The following CDH18 variants were observed in gnomAD, a reference collection of about 807,000 sequenced individuals.
CDH18 encodes cadherin-18.
In CDH18, 31 loss-of-function variants were observed where a neutral mutation model predicts 67.9. The observed-to-expected ratio is 0.46, with a 90% CI of 0.34 to 0.62. CDH18 has a LOEUF of 0.62. Among genes scored for constraint, CDH18 ranks in the 20% least tolerant of loss-of-function variants. CDH18 has a pLI of 0.01. For synonymous variants in CDH18, 362 were observed against 347.2 expected, an observed-to-expected ratio of 1.04 and a Z score of -0.48; for missense variants, 890 against 975.5, an observed-to-expected ratio of 0.91 and a Z score of 1.17.
At chr5:19,742,370 C>T (rs1418477492) in intron 4 of CDH18, among the ~76,000 whole-genome samples, 1 of 151,642 alleles carries the variant, frequency 6.6e-6, no homozygotes, top group Admixed American at 6.6e-5. Context: ...GCATGATCTT[C>T]CTATTTCCCC....
intron 4 of CDH18, among the ~76,000 whole-genome samples, chr5:19,743,234 A>T (rs1445855939): frequency 2.0e-5 from 3 of 152,190 alleles, no homozygotes; most frequent in Admixed American, 1.3e-4. Context: ...CAAACGCTAT[A>T]TTTCTGTCTA....
chr5:20,058,184 C>T (rs1183542136), intron 2 of CDH18, among the ~76,000 whole-genome samples: 1 of 151,970 alleles, frequency 6.6e-6, no homozygotes, highest in Non-Finnish European at 1.5e-5. Context: ...ATGTACACAT[C>T]GAGTAGTACT....
chr5:19,874,233 G>A (rs1481801979), intron 2 of CDH18, among the ~76,000 whole-genome samples: 1 of 152,090 alleles, frequency 6.6e-6, no homozygotes, highest in Non-Finnish European at 1.5e-5. Flanking sequence ...TCTCTGACCT[G>A]GGAAATGCAT....
intron 2 of CDH18, among the ~76,000 whole-genome samples, chr5:19,874,908 T>C (rs1016460896): frequency 1.3e-5 from 2 of 152,170 alleles, no homozygotes; most frequent in Non-Finnish European, 2.9e-5. Context: ...GAGCATATTC[T>C]GTCACACACC....
At chr5:20,199,257 C>G (rs1739244737) in intron 2 of CDH18, among the ~76,000 whole-genome samples, 1 of 152,184 alleles carries the variant, frequency 6.6e-6, no homozygotes, top group Non-Finnish European at 1.5e-5. Context: ...GGGGGCTGTA[C>G]CCTGCAAAGC....
intron 1 of CDH18, among the ~76,000 whole-genome samples, chr5:20,570,858 C>T (rs1428586986): frequency 6.6e-6 from 1 of 152,146 alleles, no homozygotes; most frequent in Admixed American, 6.6e-5. Flanking sequence ...CACACATTCT[C>T]ATCCAATCAT....
chr5:20,093,124 C>T (rs1332493011), intron 2 of CDH18, among the ~76,000 whole-genome samples: 1 of 152,002 alleles, frequency 6.6e-6, no homozygotes, highest in Non-Finnish European at 1.5e-5. Context: ...GCATTCCCAA[C>T]AACTTGGGAC....
At chr5:19,789,302 T>A (rs1256795051) in intron 3 of CDH18, among the ~76,000 whole-genome samples, 1 of 152,192 alleles carries the variant, frequency 6.6e-6, no homozygotes, top group Non-Finnish European at 1.5e-5. Flanking sequence ...TAGTACTACA[T>A]CCCTCAAAGT....
At chr5:19,723,860 C>T (rs1471827438) in intron 4 of CDH18, among the ~76,000 whole-genome samples, 5 of 151,842 alleles carry the variant, frequency 3.3e-5, no homozygotes, top group Non-Finnish European at 7.4e-5. Flanking sequence ...ATTACAGGTA[C>T]CTGCCACCAC....
At chr5:19,661,798 T>C (rs1757219635) in intron 5 of CDH18, among the ~76,000 whole-genome samples, 1 of 152,186 alleles carries the variant, frequency 6.6e-6, no homozygotes. Context: ...CAAGCTCAGA[T>C]AGAACAGTGA....
intron 1 of CDH18, among the ~76,000 whole-genome samples, chr5:20,460,117 G>A (rs1243933509): frequency 2.6e-5 from 4 of 151,954 alleles, no homozygotes; most frequent in African/African-American, 4.8e-5. Flanking sequence ...GTGGCAGGCC[G>A]GGCGCAGTGG....
At chr5:19,682,362 C>A (rs35106673) in intron 5 of CDH18, among the ~76,000 whole-genome samples, 5,181 of 152,068 alleles carry the variant, frequency 0.034, 283 homozygotes, top group African/African-American at 0.12. Context: ...TCAGAACCAG[C>A]TCATTGTACT....
chr5:20,037,881 C>T (rs1186521650), intron 2 of CDH18, among the ~76,000 whole-genome samples: 3 of 151,750 alleles, frequency 2.0e-5, no homozygotes, highest in East Asian at 3.9e-4. Flanking sequence ...GACAGAGACA[C>T]AAAAAACCCT....
chr5:20,164,417 G>A (rs1349981556), intron 2 of CDH18, among the ~76,000 whole-genome samples: 1 of 151,942 alleles, frequency 6.6e-6, no homozygotes, highest in Admixed American at 6.6e-5. Context: ...CTCCCAAGTA[G>A]CCTGGGATTA....
In CDH18 at chr5:20,252,514, A is replaced by T. The variant is rs1252379725; in HGVS notation, c.-518+2930T>A. 3.3e-5 allele frequency among the ~76,000 whole-genome samples: 5 copies of T among 152,206 alleles called. No individual in the cohort carries two copies. The East Asian group carries it at 5.8e-4, about 18-fold the overall frequency. ...TAAACATTATCAGTAAAACAGATTT[A>T]CACAGGTAAATGATTATAATAGGAA... is the stretch of plus-strand genomic sequence containing the variant. On this transcript the variant is annotated intron_variant, in intron 2 of 14. Transcript: ENST00000507958.
intron 3 of CDH18, among the ~76,000 whole-genome samples, chr5:19,750,298 A>G (rs558173222): frequency 6.6e-6 from 1 of 152,208 alleles, no homozygotes; most frequent in African/African-American, 2.4e-5. Flanking sequence ...ACACTTTGCA[A>G]CAGGAATGGG....
intron 2 of CDH18, among the ~76,000 whole-genome samples, chr5:20,149,300 C>A (rs1489077614): frequency 6.6e-6 from 1 of 152,074 alleles, no homozygotes; most frequent in African/African-American, 2.4e-5. Context: ...TTTTCCATGC[C>A]AATAAATCCA....
intron 2 of CDH18, among the ~76,000 whole-genome samples, chr5:19,854,610 T>C (rs1784064440): frequency 1.3e-5 from 2 of 152,084 alleles, no homozygotes; most frequent in South Asian, 4.1e-4. Flanking sequence ...AGTTCACCTG[T>C]TAACATTTAC....
chr5:20,007,556 G>A lies in CDH18; in HGVS notation c.-517-15542C>T, dbSNP rs1220278357. The stretch of plus-strand genomic sequence containing the variant: ...TAAGCATGACTCAAAATATAGAAAT[G>A]ATGGATTGCTCATGGAAGAAAGAAA... On this transcript the variant is annotated intron_variant, in intron 2 of 14. Coordinates refer to the CDH18 transcript ENST00000507958. 8.5e-5 allele frequency among the ~76,000 whole-genome samples: 13 copies of A among 152,092 alleles called. 1 individual carries two copies.
Sources: gnomAD v4.1 joint callset for allele counts (sites outside exome capture counted in the v4.1 genomes callset) on GRCh38, gnomAD v4.1.1 for gene constraint, MANE v1.5 for transcripts, NCBI Gene and HGNC (gene_info 2026-07-23, HGNC 2026-07-21) for gene names.